Variants in CNTN4 observed in about 807,000 individuals in gnomAD.
CNTN4 encodes contactin 4.
A neutral mutation model predicts 122.5 loss-of-function variants in CNTN4; 77 were observed. The ratio of observed to expected loss-of-function variants is 0.63; its 90% confidence interval spans 0.52 to 0.76. The LOEUF is 0.76. CNTN4 is among the 30% of genes least tolerant of loss of function. The pLI is 0.00. For synonymous variants in CNTN4, 512 were observed against 447.0 expected, an observed-to-expected ratio of 1.15 and a Z score of -1.83; for missense variants, 1,256 against 1,259.1, an observed-to-expected ratio of 1.00 and a Z score of 0.04.
rs116179066 is a variant in CNTN4 at position 2,389,249 on chromosome 3, G to T, written c.-89+50016G>T. The stretch of plus-strand genomic sequence containing the variant: ...CTCCAAAGAATACCCTTTTCACCGT[G>T]ATCTATCTTCACGTGGCTGCAGCCT... On this transcript the variant is annotated intron_variant, in intron 3 of 24. Transcript: ENST00000418658. Among the ~76,000 whole-genome samples the T allele has an allele frequency of 4.6e-3, 695 of 151,532 alleles. 4 individuals are homozygous for T. The highest frequency in any genetic ancestry group is 0.016 in the African/African-American group (673 of 41,312).
intron 3 of CNTN4, among the ~76,000 whole-genome samples, chr3:2,570,645 A>G (rs1430040290): frequency 6.6e-6 from 1 of 152,174 alleles, no homozygotes; most frequent in Non-Finnish European, 1.5e-5. Flanking sequence ...CCCTTAAGCA[A>G]GGACATGCCT....
intron 2 of CNTN4, 125 bp from the exon 3 acceptor site, chr3:2,339,053 C>G (rs769083156): frequency 1.3e-5 from 2 of 152,112 alleles, no homozygotes; most frequent in African/African-American, 2.4e-5. Context: ...TTAATTTTTA[C>G]TTTGTCCTAA....
intron 2 of CNTN4, among the ~76,000 whole-genome samples, chr3:2,296,525 A>T (rs1296343126): frequency 2.0e-5 from 3 of 152,204 alleles, no homozygotes; most frequent in African/African-American, 4.8e-5. Flanking sequence ...CATAATTGAC[A>T]AGTAATAACT....
chr3:2,977,917 TAA>T (rs1436900348), intron 13 of CNTN4, among the ~76,000 whole-genome samples: 2 of 152,112 alleles, frequency 1.3e-5, no homozygotes, highest in East Asian at 3.8e-4. Context: ...GAAGACAATG[TAA>T]AGAGACACAC....
intron 4 of CNTN4, among the ~76,000 whole-genome samples, chr3:2,729,044 T>G (rs1279361497): frequency 6.6e-6 from 1 of 152,172 alleles, no homozygotes; most frequent in Non-Finnish European, 1.5e-5. Flanking sequence ...AACCTGGAAT[T>G]TGTAGTTTTC....
intron 2 of CNTN4, among the ~76,000 whole-genome samples, chr3:2,162,465 A>T (rs1439568369): frequency 6.6e-6 from 1 of 152,168 alleles, no homozygotes; most frequent in Admixed American, 6.5e-5. Context: ...GCTACCTATC[A>T]AATAATATAG....
chr3:2,455,800 T>G (rs899706716), intron 3 of CNTN4, among the ~76,000 whole-genome samples: 1 of 152,000 alleles, frequency 6.6e-6, no homozygotes, highest in African/African-American at 2.4e-5. Context: ...TGGAACCAAG[T>G]TTTGGGGGAA....
chr3:2,816,626 T>C (rs2092737444), intron 6 of CNTN4, among the ~76,000 whole-genome samples: 2 of 151,118 alleles, frequency 1.3e-5, no homozygotes, highest in Admixed American at 1.3e-4. Flanking sequence ...ATCGAGACTA[T>C]CCTGGCCAAC....
At chr3:2,610,276 G>A (rs1459467553) in intron 4 of CNTN4, among the ~76,000 whole-genome samples, 1 of 152,170 alleles carries the variant, frequency 6.6e-6, no homozygotes, top group Non-Finnish European at 1.5e-5. Flanking sequence ...AACTCAAAAT[G>A]TGTAAGAGCA....
intron 3 of CNTN4, among the ~76,000 whole-genome samples, chr3:2,384,022 T>G (rs2046137519): frequency 6.6e-6 from 1 of 152,190 alleles, no homozygotes; most frequent in Admixed American, 6.5e-5. Flanking sequence ...TTCACATCTC[T>G]AATTCACCCT....
intron 2 of CNTN4, among the ~76,000 whole-genome samples, chr3:2,172,534 C>G (rs571624070): frequency 2.0e-5 from 3 of 152,190 alleles, no homozygotes; most frequent in African/African-American, 7.2e-5. Flanking sequence ...ACCACCTGTA[C>G]CCTAAAAACG....
chr3:2,473,799 G>A (rs999987831), intron 3 of CNTN4, among the ~76,000 whole-genome samples: 33 of 152,170 alleles, frequency 2.2e-4, no homozygotes, highest in African/African-American at 7.7e-4. Flanking sequence ...GATCACTTGA[G>A]GTCTGGAGTT....
At chr3:2,153,519 A>G (rs898931956) in intron 2 of CNTN4, among the ~76,000 whole-genome samples, 2 of 152,216 alleles carry the variant, frequency 1.3e-5, no homozygotes, top group African/African-American at 4.8e-5. Flanking sequence ...GATTTTAAAC[A>G]CGAATATAGG....
At chr3:2,228,035 T>C (rs1159171139) in intron 2 of CNTN4, among the ~76,000 whole-genome samples, 2 of 151,062 alleles carry the variant, frequency 1.3e-5, no homozygotes, top group African/African-American at 4.8e-5. Flanking sequence ...GTTTATTTTT[T>C]CCAAAGATTA....
chr3:2,378,712 A>G (rs2045911386), intron 3 of CNTN4, among the ~76,000 whole-genome samples: 1 of 151,868 alleles, frequency 6.6e-6, no homozygotes, highest in Non-Finnish European at 1.5e-5. Context: ...ACACATAGGA[A>G]ACTTGACATT....
intron 2 of CNTN4, among the ~76,000 whole-genome samples, chr3:2,276,368 T>C (rs1422827320): frequency 6.6e-6 from 1 of 152,012 alleles, no homozygotes; most frequent in Non-Finnish European, 1.5e-5. Context: ...GAGAGAGGGT[T>C]TCACCACGTT....
intron 3 of CNTN4, among the ~76,000 whole-genome samples, chr3:2,435,529 A>C (rs903450090): frequency 6.6e-6 from 1 of 152,122 alleles, no homozygotes; most frequent in Non-Finnish European, 1.5e-5. Context: ...CAACTGTATA[A>C]GCTGTATACA....
At chr3:2,661,639 C>G (rs897749561) in intron 4 of CNTN4, among the ~76,000 whole-genome samples, 36 of 151,692 alleles carry the variant, frequency 2.4e-4, no homozygotes, top group Admixed American at 2.3e-3. Flanking sequence ...ATGGAGAAAC[C>G]CTGTCTCTAC....
chr3:3,042,312 C>T lies in CNTN4; in HGVS notation c.2401C>T (p.Pro801Ser). 1 of 1,612,714 alleles carries T rather than the reference C, an allele frequency of 6.2e-7. No homozygotes were observed. Among genetic ancestry groups the T allele is most frequent in the East Asian group, 2.2e-5 (1 of 44,876 alleles). The change falls in exon 21 of 25, where the codon CCC becomes TCC. Residue 801 changes from proline to serine, a missense_variant and splice_region_variant. Coordinates refer to ENST00000418658, the MANE Select transcript of CNTN4 (RefSeq NM_175607.3). ...TTVVYSAEEE[P>S]TKPPASIFAR... ...ACTATCTCCATATTCATCTACAGAACCCACCAAACCACCAGCCAGTATCTT... is the reference window on the plus strand; with the variant it reads ...ACTATCTCCATATTCATCTACAGAATCCACCAAACCACCAGCCAGTATCTT...
Sources: gnomAD v4.1 joint callset for allele counts (sites outside exome capture counted in the v4.1 genomes callset) on GRCh38, gnomAD v4.1.1 for gene constraint, MANE v1.5 for transcripts, NCBI Gene and HGNC (gene_info 2026-07-23, HGNC 2026-07-21) for gene names.